The following SEC11A variants were observed in gnomAD, a reference collection of about 807,000 sequenced individuals.
SEC11A encodes the protein signal peptidase complex catalytic subunit SEC11A.
A neutral mutation model predicts 25.6 loss-of-function variants in SEC11A; 14 were observed. The observed-to-expected ratio is 0.55, with a 90% CI of 0.36 to 0.85. The LOEUF (loss-of-function observed/expected upper bound fraction) is 0.85. Among genes scored for constraint, SEC11A ranks in the 40% least tolerant of loss-of-function variants. The pLI, the probability that SEC11A is intolerant of heterozygous loss-of-function variation, is 0.01. For missense variants in SEC11A, 153 were observed against 222.9 expected, an observed-to-expected ratio of 0.69 and a Z score of 2.00; for synonymous variants, 83 against 76.4, an observed-to-expected ratio of 1.09 and a Z score of -0.45.
intron 1 of SEC11A, among the ~76,000 whole-genome samples, chr15:84,708,393 A>G (rs1007609931): frequency 3.9e-5 from 6 of 152,028 alleles, no homozygotes; most frequent in Admixed American, 3.3e-4. Flanking sequence ...CTGAACCTAA[A>G]TAAGACCAGA....
In SEC11A at chr15:84,716,104, G is replaced by C. The variant is rs1469773337; in HGVS notation, c.-29C>G. 4 of 1,611,374 alleles carry C rather than the reference G, an allele frequency of 2.5e-6. No homozygotes were observed. The South Asian group carries it at 4.4e-5, about 18-fold the overall frequency. ...GGGGACGGCGAGCAGGACACCGGCAGGGGAAAGGGCGCGATGACCAGCGGG... is the reference window on the plus strand; with the variant it reads ...GGGGACGGCGAGCAGGACACCGGCACGGGAAAGGGCGCGATGACCAGCGGG... On this transcript the variant is annotated 5_prime_UTR_variant, in exon 1 of 6. Coordinates refer to ENST00000268220, the MANE Select transcript of SEC11A (RefSeq NM_014300.4).
At chr15:84,703,297 T>G (rs1267830403) in intron 1 of SEC11A, among the ~76,000 whole-genome samples, 1 of 152,168 alleles carries the variant, frequency 6.6e-6, no homozygotes, top group Non-Finnish European at 1.5e-5. Flanking sequence ...AAATAGGGCA[T>G]GCACAGCAGT....
intron 4 of SEC11A, 100 bp downstream of exon 4, chr15:84,680,613 C>G: frequency 8.0e-7 from 1 of 1,248,518 alleles, no homozygotes. Context: ...GGAACCAGAA[C>G]CAAATCTCTA....
At chr15:84,704,210 A>G (rs1212872982) in intron 1 of SEC11A, among the ~76,000 whole-genome samples, 1 of 152,216 alleles carries the variant, frequency 6.6e-6, no homozygotes, top group Non-Finnish European at 1.5e-5. Context: ...TATTTCTGTC[A>G]AAAAGCACCA....
Position 84,670,059 on chromosome 15 carries a change from A to G in SEC11A, c.500T>C (p.Leu167Pro). ...NDYPKFKYAV[L>P]FLLGLFVLVH... ...CAGCACGAATAAACCCAGCAAAAAG[A>G]GAACTGCATACTAGAAAATAAACAC... The change falls in exon 6 of 6, where the codon CTC becomes CCC. Residue 167 changes from leucine to proline, a missense_variant. Coordinates refer to ENST00000268220, the MANE Select transcript of SEC11A (RefSeq NM_014300.4). 6.2e-7 allele frequency: 1 copy of G among 1,613,390 alleles called. No individual in the cohort carries two copies. The highest frequency in any genetic ancestry group is 8.5e-7 in the Non-Finnish European group (1 of 1,179,642).
At position 84,697,913 on chromosome 15, in the gene SEC11A, C is replaced by T. The variant is rs558788389; in HGVS notation, c.52-6269G>A. Reference sequence around the variant, plus strand: ...AGAAATGACCAGAACAATATTTCTTCAATGCTCAAGGTGAAACTAGAAAAG... The same window carrying T: ...AGAAATGACCAGAACAATATTTCTTTAATGCTCAAGGTGAAACTAGAAAAG... On this transcript the variant is annotated intron_variant, in intron 1 of 5. Transcript: ENST00000268220. Among the ~76,000 whole-genome samples the T allele has an allele frequency of 5.3e-5, 8 of 151,994 alleles. No homozygotes were observed. The South Asian group carries it at 1.7e-3, about 32-fold the overall frequency.
intron 1 of SEC11A, among the ~76,000 whole-genome samples, chr15:84,695,561 G>A (rs1355426041): frequency 6.6e-6 from 1 of 152,100 alleles, no homozygotes; most frequent in East Asian, 1.9e-4. Context: ...AACCCAGGAC[G>A]TAAAGGCTGC....
chr15:84,713,488 A>G (rs866136067), intron 1 of SEC11A, among the ~76,000 whole-genome samples: 1 of 152,140 alleles, frequency 6.6e-6, no homozygotes, highest in Non-Finnish European at 1.5e-5. Context: ...ATCTCATTTC[A>G]TAACTCTCCC....
Position 84,700,507 on chromosome 15 carries a change from T to C in SEC11A, c.52-8863A>G, listed in dbSNP as rs143323612. Among the ~76,000 whole-genome samples the C allele has an allele frequency of 5.2e-3, 743 of 141,676 alleles. 17 individuals are homozygous for C. The highest frequency in any genetic ancestry group is 0.019 in the African/African-American group (705 of 37,676). The allele number at this position is 141,676 out of a possible 152,430, so 92.9% of individuals were successfully genotyped here. ...TAATCAGGAGGCTGAGGCAGGAGAA[T>C]TGCTTGAACCCAGGAGGTGGAGGTT... On this transcript the variant is annotated intron_variant, in intron 1 of 5. Coordinates refer to ENST00000268220, the MANE Select transcript of SEC11A (RefSeq NM_014300.4).
chr15:84,672,367 C>G (rs988462433), intron 4 of SEC11A: 1 of 158,972 alleles, frequency 6.3e-6, no homozygotes, highest in South Asian at 1.7e-4. Flanking sequence ...AACCTCCCTG[C>G]CTGATTCTCC....
intron 5 of SEC11A, chr15:84,670,342 T>G (rs1019319275): frequency 3.3e-6 from 1 of 300,150 alleles, no homozygotes; most frequent in Admixed American, 4.9e-5. Context: ...ATTCAAGCAA[T>G]TCTCGTGCCT....
chr15:84,677,815 A>G (rs1171308431), intron 4 of SEC11A, among the ~76,000 whole-genome samples: 1 of 152,058 alleles, frequency 6.6e-6, no homozygotes, highest in Non-Finnish European at 1.5e-5. Context: ...GTTGAGTGAA[A>G]GCTCCCCTAA....
At chr15:84,670,829 C>A in intron 4 of SEC11A, 47 bp from the exon 5 acceptor site, 1 of 872,068 alleles carries the variant, frequency 1.1e-6, no homozygotes. Flanking sequence ...CGATGTAAAG[C>A]AGCTGTTGTC....
chr15:84,683,798 A>G (rs1277581302), intron 3 of SEC11A, among the ~76,000 whole-genome samples: 1 of 149,698 alleles, frequency 6.7e-6, no homozygotes, highest in East Asian at 1.9e-4. Flanking sequence ...GTGCTGGGAT[A>G]ACAGGCCTGA....
intron 2 of SEC11A, among the ~76,000 whole-genome samples, chr15:84,690,834 C>CT (rs550158666): frequency 1.2e-3 from 190 of 152,226 alleles, no homozygotes; most frequent in South Asian, 3.5e-3. Context: ...CAGAAAAACT[C>CT]TTAATTTGTG....
chr15:84,695,854 A>G (rs1207534999), intron 1 of SEC11A, among the ~76,000 whole-genome samples: 1 of 152,204 alleles, frequency 6.6e-6, no homozygotes, highest in African/African-American at 2.4e-5. Flanking sequence ...GAGAAAAGGA[A>G]CCAGGAGTCA....
At chr15:84,707,681 A>G (rs752042418) in intron 1 of SEC11A, among the ~76,000 whole-genome samples, 2 of 152,154 alleles carry the variant, frequency 1.3e-5, no homozygotes, top group African/African-American at 2.4e-5. Context: ...AAGAGTTAAA[A>G]CCACAGTTTC....
chr15:84,682,403 C>A (rs1240892972), intron 3 of SEC11A, among the ~76,000 whole-genome samples: 1 of 152,046 alleles, frequency 6.6e-6, no homozygotes, highest in Non-Finnish European at 1.5e-5. Context: ...TACCTCAATT[C>A]TTCAGATATG....
intron 2 of SEC11A, among the ~76,000 whole-genome samples, 188 bp from the exon 3 acceptor site, chr15:84,687,962 G>T (rs778237022): frequency 6.6e-6 from 1 of 152,118 alleles, no homozygotes; most frequent in Non-Finnish European, 1.5e-5. Flanking sequence ...TACGCCAAAG[G>T]ATTTTTTTTT....
Sources: gnomAD v4.1 joint callset for allele counts (sites outside exome capture counted in the v4.1 genomes callset) on GRCh38, gnomAD v4.1.1 for gene constraint, MANE v1.5 for transcripts, NCBI Gene and HGNC (gene_info 2026-07-23, HGNC 2026-07-21) for gene names.